FHIP2A: variants seen among roughly 807,000 people sequenced by gnomAD.
FHIP2A encodes the protein FHF complex subunit HOOK interacting protein 2A.
Under a neutral mutation model 93.5 loss-of-function variants are expected in FHIP2A, and 46 were observed. That is an observed-to-expected ratio of 0.49 (90% CI 0.39 to 0.63). The LOEUF (loss-of-function observed/expected upper bound fraction) is 0.63, where lower values mean the gene tolerates loss of function less well. Ranked by LOEUF, FHIP2A falls within the 20% of genes least tolerant of loss-of-function variation. FHIP2A has a pLI of 0.00. For missense variants in FHIP2A, 769 were observed against 909.7 expected (o/e 0.85, Z 1.99); for synonymous variants, 332 against 326.5 (o/e 1.02, Z -0.18).
At chr10:114,830,270 C>CT (rs5788083) in intron 1 of FHIP2A, among the ~76,000 whole-genome samples, 6,766 of 105,364 alleles carry the variant, frequency 0.064, 865 homozygotes, top group African/African-American at 0.22. Context: ...CTGAAACCTA[C>CT]TTTTTTTTTT....
In FHIP2A at chr10:114,862,055, T is replaced by A; in HGVS notation, c.*515T>A. 1.0e-6 allele frequency: 1 copy of A among 964,970 alleles called. No homozygotes were observed. The highest frequency in any genetic ancestry group is 1.2e-6 in the Non-Finnish European group (1 of 811,068). 59.8% of individuals were successfully genotyped at this position (964,970 alleles called of 1,614,324 possible). On this transcript the variant is annotated 3_prime_UTR_variant, in exon 17 of 17. Coordinates refer to ENST00000369248, the MANE Select transcript of FHIP2A (RefSeq NM_020940.4). ...AGAAAAAAATACAATTCAGAAACCATTGAATGAATTAATTATAGGCGATAA... is the reference window on the plus strand; with the variant it reads ...AGAAAAAAATACAATTCAGAAACCAATGAATGAATTAATTATAGGCGATAA...
At chr10:114,845,757 G>A (rs1433424858) in intron 8 of FHIP2A, among the ~76,000 whole-genome samples, 1 of 152,042 alleles carries the variant, frequency 6.6e-6, no homozygotes, top group Non-Finnish European at 1.5e-5. Context: ...CTGCTCTTTG[G>A]TGAGATGTTA....
intron 3 of FHIP2A, among the ~76,000 whole-genome samples, chr10:114,834,895 A>T (rs2083628084): frequency 6.6e-6 from 1 of 152,208 alleles, no homozygotes; most frequent in Non-Finnish European, 1.5e-5. Flanking sequence ...TATTTCCAGG[A>T]TGCAAAACCT....
downstream of FHIP2A, among the ~76,000 whole-genome samples, chr10:114,867,463 A>G (rs368586769): frequency 6.6e-6 from 1 of 152,186 alleles, no homozygotes. Flanking sequence ...TACTAAAACC[A>G]AAAGATTAAA....
intron 7 of FHIP2A, among the ~76,000 whole-genome samples, chr10:114,844,419 T>C (rs574067023): frequency 6.6e-6 from 1 of 152,334 alleles, no homozygotes; most frequent in Non-Finnish European, 1.5e-5. Flanking sequence ...TATTAAAAAG[T>C]ATAAAGCAGC....
At chr10:114,830,244 T>C (rs2143009813) in intron 1 of FHIP2A, among the ~76,000 whole-genome samples, 1 of 151,900 alleles carries the variant, frequency 6.6e-6, no homozygotes, top group African/African-American at 2.4e-5. Context: ...TTGTTTCGTT[T>C]TCATTTAATA....
At chr10:114,874,263 T>C (rs946216197) in intron 16 of FHIP2A, among the ~76,000 whole-genome samples, 5 of 133,988 alleles carry the variant, frequency 3.7e-5, no homozygotes, top group Non-Finnish European at 7.0e-5. Flanking sequence ...TTTAGATCTT[T>C]AATTTTTTTT....
At position 114,863,975 on chromosome 10, in the gene FHIP2A, T is replaced by A; in HGVS notation, c.*2435T>A. On this transcript the variant is annotated 3_prime_UTR_variant, in exon 17 of 17. Transcript: ENST00000369248. The stretch of plus-strand genomic sequence containing the variant: ...ATTCTTTACTTGATAGAACTCAGAT[T>A]TGTCTTAGCCTATTGCCATATAGTA... The A allele has an allele frequency of 9.3e-7, 1 of 1,070,588 alleles. No individual in the cohort carries two copies. The highest frequency in any genetic ancestry group is 9.1e-5 in the East Asian group (1 of 11,022). 66.3% of individuals were successfully genotyped at this position (1,070,588 alleles called of 1,614,324 possible). A position where few individuals can be genotyped will look rare whatever the true frequency, so the allele number is the denominator to read the frequency against.
At chr10:114,827,988 C>G (rs200759044) in intron 1 of FHIP2A, among the ~76,000 whole-genome samples, 1 of 139,700 alleles carries the variant, frequency 7.2e-6, no homozygotes, top group Admixed American at 7.3e-5. Context: ...ATTGGAATCT[C>G]TTGATACTGA....
At chr10:114,834,018 C>T (rs962749507) in intron 3 of FHIP2A, among the ~76,000 whole-genome samples, 2 of 152,160 alleles carry the variant, frequency 1.3e-5, no homozygotes, top group African/African-American at 4.8e-5. Flanking sequence ...CATTGTAAGT[C>T]TCTTTGGTTA....
chr10:114,846,976 C>A, intron 11 of FHIP2A, 114 bp from the exon 12 acceptor site: 1 of 1,014,382 alleles, frequency 9.9e-7, no homozygotes, highest in Non-Finnish European at 1.4e-6. Flanking sequence ...ATTCCTTAAT[C>A]CTTTATATTA....
At chr10:114,883,449 A>T (rs140513786) in intron 16 of FHIP2A, among the ~76,000 whole-genome samples, 6 of 152,314 alleles carry the variant, frequency 3.9e-5, no homozygotes, top group Middle Eastern at 3.4e-3. Flanking sequence ...TTAATTATGT[A>T]CTATTAAAGT....
At chr10:114,825,560 C>T (rs2083571012) in intron 1 of FHIP2A, among the ~76,000 whole-genome samples, 1 of 152,144 alleles carries the variant, frequency 6.6e-6, no homozygotes, top group Admixed American at 6.5e-5. Flanking sequence ...AAAACAAGAA[C>T]TGTAATGTAA....
intron 16 of FHIP2A, among the ~76,000 whole-genome samples, chr10:114,881,179 C>T (rs1316083417): frequency 1.3e-5 from 2 of 152,186 alleles, no homozygotes; most frequent in African/African-American, 4.8e-5. Context: ...TTTATCTCTT[C>T]GCAGTGAGCG....
chr10:114,848,634 G>C lies in FHIP2A; in HGVS notation c.1713-13G>C, dbSNP rs115639379. 3.0e-5 allele frequency: 47 copies of C among 1,550,254 alleles called. No individual in the cohort carries two copies. Among genetic ancestry groups the C allele is most frequent in the Non-Finnish European group, 4.0e-5 (45 of 1,129,350 alleles). ...ATGGACATCTTGCATAATTGTGGCC[G>C]TTTTCATTTAAGTTTTCTCTGTCTG... On this transcript the variant is annotated splice_polypyrimidine_tract_variant and intron_variant, in intron 12 of 16. Transcript: ENST00000369248.
At chr10:114,871,406 C>G (rs560588008) in intron 16 of FHIP2A, among the ~76,000 whole-genome samples, 1 of 152,092 alleles carries the variant, frequency 6.6e-6, no homozygotes, top group South Asian at 2.1e-4. Flanking sequence ...TCTCAGAGAC[C>G]AGAGTTCTAC....
At chr10:114,875,996 AAAAG>A (rs923241859) in intron 16 of FHIP2A, among the ~76,000 whole-genome samples, 51 of 151,784 alleles carry the variant, frequency 3.4e-4, no homozygotes, top group African/African-American at 1.1e-3. Flanking sequence ...GAAAGAAAGA[AAAAG>A]AAAGAGAAAG....
intron 3 of FHIP2A, among the ~76,000 whole-genome samples, chr10:114,834,010 T>C (rs1288067323): frequency 6.6e-6 from 1 of 152,214 alleles, no homozygotes; most frequent in African/African-American, 2.4e-5. Flanking sequence ...ACTGTGACCA[T>C]TGTAAGTCTC....
chr10:114,879,848 G>T (rs571043518), intron 16 of FHIP2A, among the ~76,000 whole-genome samples: 2 of 152,270 alleles, frequency 1.3e-5, no homozygotes, highest in South Asian at 4.1e-4. Context: ...TTTAGACACA[G>T]GAGGCTCTCG....
Sources: allele counts gnomAD v4.1 joint callset (sites outside exome capture counted in the v4.1 genomes callset), GRCh38; gene constraint gnomAD v4.1.1; transcripts MANE v1.5; gene names NCBI Gene and HGNC (gene_info 2026-07-23, HGNC 2026-07-21).